The following RGS6 variants were observed in gnomAD, a reference collection of about 807,000 sequenced individuals.
RGS6 encodes regulator of G-protein signaling 6.
A neutral mutation model predicts 78.5 loss-of-function variants in RGS6; 30 were observed. The observed-to-expected ratio is 0.38, with a 90% CI of 0.29 to 0.52. The LOEUF (loss-of-function observed/expected upper bound fraction) is 0.52. RGS6 is among the 20% of genes least tolerant of loss of function. RGS6 has a pLI of 0.85. For missense variants in RGS6, 495 were observed against 609.7 expected (o/e 0.81, Z 1.98); for synonymous variants, 206 against 206.0 (o/e 1.00, Z 0.00).
intron 2 of RGS6, among the ~76,000 whole-genome samples, chr14:72,263,647 G>A (rs1290390782): frequency 6.6e-6 from 1 of 152,136 alleles, no homozygotes; most frequent in East Asian, 1.9e-4. Context: ...TTATCAAAGA[G>A]GCTTGAGAGA....
At chr14:72,269,507 T>C (rs1035498241) in intron 2 of RGS6, among the ~76,000 whole-genome samples, 1 of 152,028 alleles carries the variant, frequency 6.6e-6, no homozygotes, top group Admixed American at 6.6e-5. Context: ...ACTGCATGAT[T>C]GAGACCCTTA....
the RGS6 span, among the ~76,000 whole-genome samples, chr14:72,622,498 A>G: frequency 6.6e-6 from 1 of 152,216 alleles, no homozygotes; most frequent in Admixed American, 6.5e-5. Context: ...CAGTGTTATT[A>G]ATGCCTTAAA....
intron 2 of RGS6, among the ~76,000 whole-genome samples, chr14:72,154,753 G>T (rs1014182610): frequency 2.2e-4 from 33 of 152,170 alleles, no homozygotes; most frequent in African/African-American, 8.0e-4. Flanking sequence ...GCAAATGCCT[G>T]TCCCCAGTGG....
At chr14:72,038,714 T>C (rs1340346105) in intron 2 of RGS6, among the ~76,000 whole-genome samples, 1 of 152,214 alleles carries the variant, frequency 6.6e-6, no homozygotes, top group African/African-American at 2.4e-5. Context: ...GGTTTCCAGC[T>C]CCTTATTGCT....
At chr14:71,871,292 C>T in the RGS6 span, among the ~76,000 whole-genome samples, 1 of 152,140 alleles carries the variant, frequency 6.6e-6, no homozygotes, top group Non-Finnish European at 1.5e-5. Flanking sequence ...GGCATTTTCT[C>T]CAGAATCTTC....
At chr14:72,274,255 T>C (rs1346484274) in intron 2 of RGS6, among the ~76,000 whole-genome samples, 1 of 152,186 alleles carries the variant, frequency 6.6e-6, no homozygotes, top group East Asian at 1.9e-4. Flanking sequence ...CCCTCTGAGC[T>C]CAAAGGTAGG....
chr14:71,913,953 G>T, the RGS6 span, among the ~76,000 whole-genome samples: 2 of 152,178 alleles, frequency 1.3e-5, no homozygotes, highest in African/African-American at 4.8e-5. Context: ...AGAACTCATG[G>T]TCATCAAAAT....
chr14:72,554,387 G>GTAAC (rs1452199900), intron 17 of RGS6, among the ~76,000 whole-genome samples: 2 of 152,238 alleles, frequency 1.3e-5, no homozygotes, highest in African/African-American at 2.4e-5. Flanking sequence ...ACAATATCAA[G>GTAAC]TAACTAAATT....
At chr14:72,402,462 T>C (rs2092512977) in intron 3 of RGS6, among the ~76,000 whole-genome samples, 1 of 152,078 alleles carries the variant, frequency 6.6e-6, no homozygotes, top group Non-Finnish European at 1.5e-5. Flanking sequence ...CAGACATTTC[T>C]CAAAAGTAAA....
intron 2 of RGS6, among the ~76,000 whole-genome samples, chr14:71,965,169 G>C (rs573545889): frequency 6.6e-6 from 1 of 152,342 alleles, no homozygotes; most frequent in South Asian, 2.1e-4. Flanking sequence ...CTTAGTGTAA[G>C]ATGTATGAAC....
the RGS6 span, chr14:72,619,278 CATTCTGT>C: frequency 6.5e-7 from 1 of 1,535,844 alleles, no homozygotes; most frequent in Non-Finnish European, 8.7e-7. Flanking sequence ...CAGCGAGTCA[CATTCTGT>C]GACCTGGGGC....
rs2097528885 is a variant in RGS6 at position 72,553,093 on chromosome 14, T to C, written c.1423-9324T>C. Reference sequence around the variant, plus strand: ...ACAGGTGCATGTGCCGCCTGCCTGATGTTCGCCTCTGTGTTCAGTGTATGG... The same window carrying C: ...ACAGGTGCATGTGCCGCCTGCCTGACGTTCGCCTCTGTGTTCAGTGTATGG... On this transcript the variant is annotated intron_variant, in intron 17 of 17. Coordinates refer to ENST00000553525, the MANE Select transcript of RGS6 (RefSeq NM_001204424.2). Among the ~76,000 whole-genome samples the C allele has an allele frequency of 2.0e-5, 3 of 152,226 alleles. No homozygotes were observed. The South Asian group carries it at 6.2e-4, about 32-fold the overall frequency.
intron 2 of RGS6, among the ~76,000 whole-genome samples, chr14:72,251,110 A>G (rs1049575570): frequency 1.1e-4 from 16 of 152,230 alleles, no homozygotes; most frequent in Non-Finnish European, 2.4e-4. Context: ...ATGGACCCAA[A>G]GAGGAAACAA....
intron 2 of RGS6, among the ~76,000 whole-genome samples, chr14:72,130,050 CT>C (rs2096281881): frequency 6.6e-6 from 1 of 152,162 alleles, no homozygotes; most frequent in African/African-American, 2.4e-5. Context: ...ACACTTCTTC[CT>C]GGCTGACTAC....
intron 2 of RGS6, among the ~76,000 whole-genome samples, chr14:72,005,859 C>T (rs867968224): frequency 3.3e-5 from 5 of 151,832 alleles, no homozygotes; most frequent in African/African-American, 9.7e-5. Flanking sequence ...TACATTTTTA[C>T]TTTATTCATT....
At chr14:72,224,559 G>T (rs1156405311) in intron 2 of RGS6, among the ~76,000 whole-genome samples, 2 of 151,798 alleles carry the variant, frequency 1.3e-5, no homozygotes, top group African/African-American at 2.4e-5. Context: ...AATAATTTTA[G>T]TACTTCTTAT....
At chr14:72,455,499 A>G (rs2095607551) in intron 4 of RGS6, among the ~76,000 whole-genome samples, 1 of 152,150 alleles carries the variant, frequency 6.6e-6, no homozygotes, top group Non-Finnish European at 1.5e-5. Flanking sequence ...CAACATTTCT[A>G]ATCTGTTGAC....
chr14:72,318,829 GA>G (rs2071051347), intron 2 of RGS6, among the ~76,000 whole-genome samples: 1 of 152,194 alleles, frequency 6.6e-6, no homozygotes, highest in African/African-American at 2.4e-5. Flanking sequence ...AACTGAAAGG[GA>G]AATGCACAGT....
At chr14:72,381,226 G>A (rs1175617894) in intron 3 of RGS6, among the ~76,000 whole-genome samples, 1 of 152,040 alleles carries the variant, frequency 6.6e-6, no homozygotes, top group African/African-American at 2.4e-5. Context: ...GTAAGTTCTA[G>A]TGCTCTATAG....
Sources: gnomAD v4.1 joint callset for allele counts (sites outside exome capture counted in the v4.1 genomes callset) on GRCh38, gnomAD v4.1.1 for gene constraint, MANE v1.5 for transcripts, NCBI Gene and HGNC (gene_info 2026-07-23, HGNC 2026-07-21) for gene names.